Variants in OSBPL1A observed in about 807,000 individuals in gnomAD.
The protein encoded by OSBPL1A is oxysterol binding protein like 1A.
In OSBPL1A, 80 loss-of-function variants were observed where a neutral mutation model predicts 137.1. That is an observed-to-expected ratio of 0.58 (90% confidence interval 0.49 to 0.70). The LOEUF is 0.70. OSBPL1A is among the 30% of genes least tolerant of loss of function. OSBPL1A has a pLI of 0.00. For missense variants in OSBPL1A, 970 were observed against 1,129.4 expected, an observed-to-expected ratio of 0.86 and a Z score of 2.02; for synonymous variants, 365 against 389.7, an observed-to-expected ratio of 0.94 and a Z score of 0.75.
chr18:24,170,821 G>C lies in OSBPL1A; in HGVS notation c.2292-368C>G, dbSNP rs551955540. Among the ~76,000 whole-genome samples, 7 of 152,120 alleles carry C rather than the reference G, an allele frequency of 4.6e-5. No homozygotes were observed. The South Asian group carries it at 1.5e-3, about 32-fold the overall frequency. On this transcript the variant is annotated intron_variant, in intron 23 of 27. Transcript: ENST00000319481. Reference sequence around the variant, plus strand: ...GCCACTACGCCTGCCTAATTAAAAAGAAGTTTTTTTGTAGAGACAGGATCT... The same window carrying C: ...GCCACTACGCCTGCCTAATTAAAAACAAGTTTTTTTGTAGAGACAGGATCT...
chr18:24,266,192 G>A (rs2089567250), intron 15 of OSBPL1A, among the ~76,000 whole-genome samples: 1 of 152,130 alleles, frequency 6.6e-6, no homozygotes, highest in Non-Finnish European at 1.5e-5. Context: ...CATAATAGCA[G>A]GTTTGAGTTC....
At chr18:24,287,241 G>A (rs1482311170) in intron 14 of OSBPL1A, among the ~76,000 whole-genome samples, 1 of 152,130 alleles carries the variant, frequency 6.6e-6, no homozygotes, top group Non-Finnish European at 1.5e-5. Context: ...TTGTCCAATG[G>A]GTTCCCCACC....
intron 22 of OSBPL1A, among the ~76,000 whole-genome samples, chr18:24,172,001 C>T (rs1476575800): frequency 2.0e-5 from 3 of 148,720 alleles, no homozygotes; most frequent in South Asian, 2.1e-4. Flanking sequence ...AGTGCAGTGG[C>T]GCTATCTCGG....
intron 15 of OSBPL1A, among the ~76,000 whole-genome samples, chr18:24,268,375 C>T (rs1484120537): frequency 6.6e-6 from 1 of 152,108 alleles, no homozygotes; most frequent in Non-Finnish European, 1.5e-5. Flanking sequence ...CTGCTTCAGC[C>T]TCCCAAAATG....
At chr18:24,318,487 G>T in intron 9 of OSBPL1A, 114 bp downstream of exon 9, 1 of 875,904 alleles carries the variant, frequency 1.1e-6, no homozygotes, top group Non-Finnish European at 1.8e-6. Context: ...TACGATCCAA[G>T]AGCGATTAAA....
intron 5 of OSBPL1A, among the ~76,000 whole-genome samples, chr18:24,338,359 C>T (rs1335708888): frequency 6.6e-6 from 1 of 152,002 alleles, no homozygotes; most frequent in Non-Finnish European, 1.5e-5. Flanking sequence ...GGATTACAGG[C>T]ATGAGCCACC....
intron 1 of OSBPL1A, among the ~76,000 whole-genome samples, chr18:24,386,953 T>G (rs1906996699): frequency 6.6e-6 from 1 of 152,140 alleles, no homozygotes; most frequent in Non-Finnish European, 1.5e-5. Flanking sequence ...TGAGACCCTA[T>G]GTCAAAAACA....
At chr18:24,188,384 C>T (rs2086805532) in intron 18 of OSBPL1A, among the ~76,000 whole-genome samples, 1 of 152,196 alleles carries the variant, frequency 6.6e-6, no homozygotes, top group East Asian at 1.9e-4. Context: ...AAGCCAATGA[C>T]AAAGAGGGTG....
rs911546565 is a variant in OSBPL1A at position 24,379,290 on chromosome 18, C to T, written c.-2-1755G>A. Among the ~76,000 whole-genome samples, 14 of 152,118 alleles carry T rather than the reference C, an allele frequency of 9.2e-5. No individual in the cohort carries two copies. The East Asian group carries it at 9.7e-4, about 11-fold the overall frequency. ...ATTCCAGCACTTTGAGAGGCCGAGG[C>T]GGGTGGACCACTTGAGCCCAGGAGT... is the stretch of plus-strand genomic sequence containing the variant. On this transcript the variant is annotated intron_variant, in intron 1 of 27. Transcript: ENST00000319481.
At chr18:24,321,041 A>AAG (rs2090841818) in intron 7 of OSBPL1A, among the ~76,000 whole-genome samples, 2 of 70,416 alleles carry the variant, frequency 2.8e-5, no homozygotes, top group South Asian at 3.3e-4. Context: ...AAAAAAAAAA[A>AAG]AAAAGAAAAG....
intron 13 of OSBPL1A, among the ~76,000 whole-genome samples, chr18:24,308,808 A>G (rs571333310): frequency 6.6e-6 from 1 of 151,972 alleles, no homozygotes. Context: ...TTTCGCCCAG[A>G]CTGGAGTGCA....
Position 24,321,632 on chromosome 18 carries a change from C to G in OSBPL1A, c.626-2823G>C, listed in dbSNP as rs1190440389. 6 of 494,158 alleles carry G rather than the reference C, an allele frequency of 1.2e-5. No homozygotes were observed. The East Asian group carries it at 3.4e-4, about 28-fold the overall frequency. 30.6% of individuals were successfully genotyped at this position (494,158 alleles called of 1,614,324 possible). A position where few individuals can be genotyped will look rare whatever the true frequency, so the allele number is the denominator to read the frequency against. ...TACAATGGTTCTATGAGGACGTGGCCCCACAGTAAGTTGAGGAGCACTGGG... is the reference window on the plus strand; with the variant it reads ...TACAATGGTTCTATGAGGACGTGGCGCCACAGTAAGTTGAGGAGCACTGGG... On this transcript the variant is annotated intron_variant, in intron 7 of 27. Transcript: ENST00000319481.
intron 1 of OSBPL1A, among the ~76,000 whole-genome samples, chr18:24,394,240 C>T (rs895498414): frequency 1.4e-4 from 22 of 152,200 alleles, no homozygotes; most frequent in African/African-American, 4.8e-4. Context: ...TCCATACCCA[C>T]ACCAACTTGG....
At chr18:24,205,047 G>C (rs914049453) in intron 17 of OSBPL1A, among the ~76,000 whole-genome samples, 2 of 152,204 alleles carry the variant, frequency 1.3e-5, no homozygotes, top group South Asian at 2.1e-4. Flanking sequence ...CATTTAGTGA[G>C]AGTTTGCTCC....
At position 24,333,105 on chromosome 18, in the gene OSBPL1A, C is replaced by A. The variant is rs2091113789; in HGVS notation, c.481-19G>T. ...TGTTGAGCTAACAATTAAAAAAATG[C>A]AATGCAGAATTATATATCAAAGATA... is the stretch of plus-strand genomic sequence containing the variant. On this transcript the variant is annotated intron_variant, in intron 6 of 27. Coordinates refer to ENST00000319481, the MANE Select transcript of OSBPL1A (RefSeq NM_080597.4). The A allele has an allele frequency of 1.4e-5, 22 of 1,611,004 alleles. No individual in the cohort carries two copies. Among genetic ancestry groups the A allele is most frequent in the Non-Finnish European group, 1.8e-5 (21 of 1,177,926 alleles).
chr18:24,190,517 T>A (rs1221612073), intron 18 of OSBPL1A, among the ~76,000 whole-genome samples: 1 of 152,182 alleles, frequency 6.6e-6, no homozygotes, highest in African/African-American at 2.4e-5. Flanking sequence ...TTAACTTACA[T>A]TAGGGCTCCT....
intron 7 of OSBPL1A, chr18:24,321,586 G>C (rs9957900): frequency 2.2e-6 from 1 of 451,502 alleles, no homozygotes; most frequent in Non-Finnish European, 4.5e-6. Context: ...ACTGTACCTG[G>C]CCTTAAGTGT....
At chr18:24,278,151 G>A (rs1471278079) in intron 15 of OSBPL1A, among the ~76,000 whole-genome samples, 2 of 152,188 alleles carry the variant, frequency 1.3e-5, no homozygotes, top group African/African-American at 4.8e-5. Context: ...CTAAAAGCTT[G>A]CTATATGGTT....
At position 24,225,081 on chromosome 18, in the gene OSBPL1A, CCA is replaced by C; in HGVS notation, c.1560_1561del (p.Cys520TrpfsTer26). 2 of 1,614,214 alleles carry C rather than the reference CCA, an allele frequency of 1.2e-6. No homozygotes were observed. Among genetic ancestry groups the C allele is most frequent in the East Asian group, 2.2e-5 (1 of 44,886 alleles). ...GCCATTGGAGAGAGCATCTCCGCCA[CCA>C]CAGTCTTTTTCTTCGGACATTCTGT... is the stretch of plus-strand genomic sequence containing the variant. On this transcript the variant is annotated frameshift_variant, in exon 17 of 28. Coordinates refer to ENST00000319481, the MANE Select transcript of OSBPL1A (RefSeq NM_080597.4). LOFTEE classifies it high-confidence loss of function.
Sources: gnomAD v4.1 joint callset for allele counts (sites outside exome capture counted in the v4.1 genomes callset) on GRCh38, gnomAD v4.1.1 for gene constraint, MANE v1.5 for transcripts, NCBI Gene and HGNC (gene_info 2026-07-23, HGNC 2026-07-21) for gene names.